Variants in WDR26 observed in about 807,000 individuals in gnomAD.
The protein encoded by WDR26 is WD repeat domain 26.
Under a neutral mutation model 84.1 loss-of-function variants are expected in WDR26, and 5 were observed. The ratio of observed to expected loss-of-function variants is 0.06; its 90% CI spans 0.03 to 0.13. The LOEUF is 0.13. Among genes scored for constraint, WDR26 ranks in the 10% least tolerant of loss-of-function variants. The pLI is 1.00. For missense variants in WDR26, 642 were observed against 974.9 expected (o/e 0.66, Z 4.55); for synonymous variants, 415 against 389.6 (o/e 1.07, Z -0.77).
At chr1:224,431,857 G>GA (rs1674401343) in intron 1 of WDR26, 76 bp from the exon 2 acceptor site, 1 of 1,176,452 alleles carries the variant, frequency 8.5e-7, no homozygotes, top group Non-Finnish European at 1.1e-6. Flanking sequence ...TAATGTCCAT[G>GA]AAAACAGATG....
At position 224,434,750 on chromosome 1, in the gene WDR26, C is replaced by T. The variant is rs1237208144; in HGVS notation, c.-345G>A. ...TGCCGCCTCTGTCCTCGGATCCGCT[C>T]CGCTCTGCTCCCTGGTGTGTTGATT... On this transcript the variant is annotated 5_prime_UTR_variant, in exon 1 of 14. Coordinates refer to ENST00000414423, the MANE Select transcript of WDR26 (RefSeq NM_001379403.1). 8 of 987,038 alleles carry T rather than the reference C, an allele frequency of 8.1e-6. No homozygotes were observed. Among genetic ancestry groups the T allele is most frequent in the South Asian group, 4.5e-5 (1 of 22,132 alleles). The allele number at this position is 987,038 out of a possible 1,614,324, so 61.1% of individuals were successfully genotyped here.
chr1:224,398,274 A>G, intron 11 of WDR26, 48 bp from the exon 12 acceptor site: 2 of 1,576,216 alleles, frequency 1.3e-6, no homozygotes, highest in Non-Finnish European at 1.7e-6. Flanking sequence ...CAACTCAAAC[A>G]AATTTTAAAA....
At chr1:224,409,636 C>CA (rs1248187130) in intron 7 of WDR26, among the ~76,000 whole-genome samples, 1 of 151,690 alleles carries the variant, frequency 6.6e-6, no homozygotes, top group Non-Finnish European at 1.5e-5. Flanking sequence ...TCGAGGTGGG[C>CA]GATCAGCTGA....
intron 3 of WDR26, chr1:224,431,263 C>A: frequency 2.2e-6 from 1 of 444,538 alleles, no homozygotes; most frequent in East Asian, 3.7e-5. Flanking sequence ...TTTTGTAGAG[C>A]TTAATTTATA....
chr1:224,434,082 T>G lies in WDR26; in HGVS notation c.324A>C (p.Gly108=). ...CGCCGCCGCCGCCACCTCCTCCTCC[T>G]CCTCCTGCCCCATTGGCCTGCATGA... is the stretch of plus-strand genomic sequence containing the variant. The change falls in exon 1 of 14, where the codon GGA becomes GGC. Residue 108 remains glycine (G), a synonymous_variant. Coordinates refer to ENST00000414423, the MANE Select transcript of WDR26 (RefSeq NM_001379403.1). 1 of 1,448,158 alleles carries G rather than the reference T, an allele frequency of 6.9e-7. No individual in the cohort carries two copies. Among genetic ancestry groups the G allele is most frequent in the Non-Finnish European group, 9.0e-7 (1 of 1,105,942 alleles). The allele number at this position is 1,448,158 out of a possible 1,614,324, so 89.7% of individuals were successfully genotyped here. A position where few individuals can be genotyped will look rare whatever the true frequency, so the allele number is the denominator to read the frequency against.
Position 224,400,957 on chromosome 1 carries a change from T to G in WDR26, c.1712A>C (p.Tyr571Ser). The G allele has an allele frequency of 6.2e-7, 1 of 1,613,842 alleles. No homozygotes were observed. The highest frequency in any genetic ancestry group is 2.2e-5 in the East Asian group (1 of 44,878). Reference sequence around the variant, plus strand: ...GGGGCACTGAATACTTACACACTGATAGAACTGCCCACGCTGACCTCCAGT... The same window carrying G: ...GGGGCACTGAATACTTACACACTGAGAGAACTGCCCACGCTGACCTCCAGT... The change falls in exon 9 of 14, where the codon TAT becomes TCT. Residue 571 changes from tyrosine to serine, a missense_variant. Transcript: ENST00000414423.
chr1:224,401,690 G>GAAAAAAAAAAAAAAAAAAAAAAAAAAAA (rs67543360), intron 8 of WDR26, among the ~76,000 whole-genome samples: 6 of 84,008 alleles, frequency 7.1e-5, no homozygotes, highest in Non-Finnish European at 9.4e-5. Flanking sequence ...AAAAAAAAAA[G>GAAAAAAAAAAAAAAAAAAAAAAAAAAAA]AAAAAAAAAA....
chr1:224,401,123 T>G, intron 8 of WDR26, 54 bp from the exon 9 acceptor site: 2 of 1,524,980 alleles, frequency 1.3e-6, no homozygotes, highest in Non-Finnish European at 1.8e-6. Context: ...TCTAAAGGAA[T>G]TATGTGAGAA....
intron 7 of WDR26, among the ~76,000 whole-genome samples, chr1:224,408,076 A>G (rs1227445175): frequency 6.6e-6 from 1 of 152,202 alleles, no homozygotes; most frequent in Non-Finnish European, 1.5e-5. Context: ...TCTGGGAAAC[A>G]CTGGCATAAG....
At chr1:224,407,743 A>C (rs1352635549) in intron 7 of WDR26, among the ~76,000 whole-genome samples, 1 of 152,050 alleles carries the variant, frequency 6.6e-6, no homozygotes, top group African/African-American at 2.4e-5. Flanking sequence ...TTCTGACCTC[A>C]GGTGACTCAC....
chr1:224,433,604 C>T, intron 1 of WDR26, 80 bp downstream of exon 1: 1 of 569,094 alleles, frequency 1.8e-6, no homozygotes, highest in Non-Finnish European at 2.8e-6. Flanking sequence ...CCCCCCTCCC[C>T]CCTCCGCCCC....
chr1:224,407,268 G>C (rs1376733845), intron 7 of WDR26, among the ~76,000 whole-genome samples: 1 of 142,506 alleles, frequency 7.0e-6, no homozygotes, highest in Non-Finnish European at 1.5e-5. Flanking sequence ...TTAGCACAGT[G>C]CCTTTATACT....
chr1:224,418,241 T>C lies in WDR26; in HGVS notation c.1319+19A>G, dbSNP rs1673962895. 3 of 1,587,468 alleles carry C rather than the reference T, an allele frequency of 1.9e-6. No homozygotes were observed. The highest frequency in any genetic ancestry group is 1.7e-6 in the Non-Finnish European group (2 of 1,169,196). On this transcript the variant is annotated intron_variant, in intron 6 of 13. Transcript: ENST00000414423. ...TAAAATGTTAGGCTGTTTCAGAATA[T>C]AGGAAGTTTTCCTCTTACCTACTAC...
At chr1:224,425,028 A>G (rs1458591834) in intron 3 of WDR26, among the ~76,000 whole-genome samples, 1 of 152,232 alleles carries the variant, frequency 6.6e-6, no homozygotes, top group East Asian at 1.9e-4. Context: ...AAGAAGTATG[A>G]CTTTATAACT....
At chr1:224,393,776 C>A in intron 13 of WDR26, 52 bp downstream of exon 13, 2 of 1,391,636 alleles carry the variant, frequency 1.4e-6, no homozygotes, top group Admixed American at 2.1e-5. Context: ...CATAATAAGC[C>A]GAGTGATGTT....
At chr1:224,399,319 C>T (rs1673347523) in intron 9 of WDR26, among the ~76,000 whole-genome samples, 2 of 152,010 alleles carry the variant, frequency 1.3e-5, no homozygotes, top group African/African-American at 4.8e-5. Context: ...AGAAACAGTC[C>T]CTAAGTTCCA....
chr1:224,403,024 G>T (rs1673458029), intron 8 of WDR26, among the ~76,000 whole-genome samples: 1 of 151,822 alleles, frequency 6.6e-6, no homozygotes, highest in Non-Finnish European at 1.5e-5. Flanking sequence ...AAATATTTTA[G>T]ATATGTATAT....
rs191021409 is a variant in WDR26, at chr1:224,409,782, G to C, written c.1458+1645C>G. Among the ~76,000 whole-genome samples, 414 of 151,942 alleles carry C rather than the reference G, an allele frequency of 2.7e-3. 3 individuals are homozygous for C. Among genetic ancestry groups the C allele is most frequent in the Non-Finnish European group, 4.5e-3 (303 of 67,968 alleles). ...GGAGGCTGAGGCATAAGAATCTCTT[G>C]AACCTGGGAGGTAGAGGTTGCAGTG... is the stretch of plus-strand genomic sequence containing the variant. On this transcript the variant is annotated intron_variant, in intron 7 of 13. Transcript: ENST00000414423.
Position 224,393,871 on chromosome 1 carries a change from T to C in WDR26, c.2217A>G (p.Arg739=). The stretch of plus-strand genomic sequence containing the variant: ...CTATAAAAGGTGCTGGTCCCCATAT[T>C]CTAACAGTGCCATCATCTGAGGCGC... The change falls in exon 13 of 14, where the codon AGA becomes AGG. Residue 739 remains arginine, a synonymous_variant. Transcript: ENST00000414423. The C allele has an allele frequency of 6.3e-7, 1 of 1,580,966 alleles. No individual in the cohort carries two copies. The highest frequency in any genetic ancestry group is 8.7e-7 in the Non-Finnish European group (1 of 1,154,316).
Sources: allele counts gnomAD v4.1 joint callset (sites outside exome capture counted in the v4.1 genomes callset), GRCh38; gene constraint gnomAD v4.1.1; transcripts MANE v1.5; gene names NCBI Gene and HGNC (gene_info 2026-07-23, HGNC 2026-07-21).